ABI2: variants seen among roughly 807,000 people sequenced by gnomAD.
The protein encoded by ABI2 is abl interactor 2, also known as abelson interactor 2.
ABI2 carries 25 observed loss-of-function variants against 59.2 expected under a neutral mutation model. That is an observed-to-expected ratio of 0.42 (90% CI 0.31 to 0.59). The LOEUF (loss-of-function observed/expected upper bound fraction) is 0.59, where lower values mean the gene tolerates loss of function less well. ABI2 is among the 20% of genes least tolerant of loss of function. The pLI is 0.14. For missense variants in ABI2, 545 were observed against 681.8 expected (o/e 0.80, Z 2.23); for synonymous variants, 213 against 235.5 (o/e 0.90, Z 0.87).
At chr2:203,373,603 A>G (rs185999290) in intron 2 of ABI2, among the ~76,000 whole-genome samples, 135 of 152,296 alleles carry the variant, frequency 8.9e-4, no homozygotes, top group African/African-American at 3.2e-3. Context: ...TCCATGTTCA[A>G]GTTTGTCATG....
chr2:203,378,245 T>G (rs2095845707), intron 2 of ABI2, among the ~76,000 whole-genome samples: 1 of 152,064 alleles, frequency 6.6e-6, no homozygotes, highest in Non-Finnish European at 1.5e-5. Context: ...CCCAAGTAGC[T>G]GGGACTACAG....
chr2:203,395,589 T>G (rs1383333096), intron 6 of ABI2, 67 bp from the exon 7 acceptor site: 1 of 1,502,976 alleles, frequency 6.7e-7, no homozygotes, highest in East Asian at 2.4e-5. Context: ...TCAGAAAATG[T>G]CGGGAAGTGC....
chr2:203,380,313 G>A lies in ABI2; in HGVS notation c.391G>A (p.Glu131Lys). ...TAAGATTATTGCTCCAGCCAACCTT[G>A]AACGACCAGTTCGTTATATTAGAAA... ...THKIIAPANL[E>K]RPVRYIRKPI... The change falls in exon 3 of 12, where the codon GAA becomes AAA. Residue 131 changes from glutamate to lysine, a missense_variant. Glu to Lys is a moderately conservative substitution (Grantham distance 56). This residue lies in a region of ABI2 where 410 missense variants were observed against 435.6 expected (regional missense o/e 0.94). Transcript: ENST00000261018. 6.2e-7 allele frequency: 1 copy of A among 1,607,768 alleles called. No homozygotes were observed. The highest frequency in any genetic ancestry group is 8.5e-7 in the Non-Finnish European group (1 of 1,177,490).
intron 4 of ABI2, among the ~76,000 whole-genome samples, chr2:203,385,167 G>A (rs372984917): frequency 1.9e-5 from 1 of 51,810 alleles, no homozygotes; most frequent in Admixed American, 2.4e-4. Flanking sequence ...CAGTCTTGCC[G>A]TTGCCCAGGC....
intron 2 of ABI2, among the ~76,000 whole-genome samples, chr2:203,374,168 A>C (rs145412373): frequency 9.2e-5 from 14 of 152,034 alleles, no homozygotes; most frequent in South Asian, 2.1e-4. Context: ...CAACAACCCA[A>C]AACACAAAAA....
intron 4 of ABI2, 23 bp downstream of exon 4, chr2:203,382,229 T>C (rs1453780616): frequency 2.0e-6 from 3 of 1,525,138 alleles, no homozygotes; most frequent in South Asian, 2.4e-5. Flanking sequence ...AGGGCTGGAT[T>C]TCCATTCTTT....
At chr2:203,340,225 C>T (rs2152490419) in intron 1 of ABI2, among the ~76,000 whole-genome samples, 1 of 152,204 alleles carries the variant, frequency 6.6e-6, no homozygotes, top group East Asian at 1.9e-4. Flanking sequence ...CGGCCAAGGG[C>T]CGTTGGGAGG....
At chr2:203,357,987 C>T (rs971351741) in intron 1 of ABI2, among the ~76,000 whole-genome samples, 1 of 151,704 alleles carries the variant, frequency 6.6e-6, no homozygotes, top group Non-Finnish European at 1.5e-5. Context: ...CAGGCTGTCT[C>T]GAACTCCTGA....
chr2:203,347,696 C>A (rs1033640217), intron 1 of ABI2, among the ~76,000 whole-genome samples: 9 of 152,170 alleles, frequency 5.9e-5, no homozygotes, highest in Non-Finnish European at 8.8e-5. Context: ...TCTGCACAGG[C>A]AAACTGTGTA....
intron 1 of ABI2, among the ~76,000 whole-genome samples, chr2:203,345,323 G>A (rs1400696328): frequency 6.6e-6 from 1 of 152,168 alleles, no homozygotes; most frequent in African/African-American, 2.4e-5. Context: ...CCCACTGGAA[G>A]GAAGAAACTC....
At position 203,382,095 on chromosome 2, in the gene ABI2, CTTTTTTT is replaced by C. The variant is rs543676293; in HGVS notation, c.463-93_463-87del. ...ATGCTGAATGCTTAACTTGTTTTTT[CTTTTTTT>C]CCTTTCTCTTCACATCCTGAAGTTT... On this transcript the variant is annotated intron_variant, in intron 3 of 11. Coordinates refer to ENST00000261018, the MANE Select transcript of ABI2 (RefSeq NM_001375670.1). 1,309 of 1,100,342 alleles carry C rather than the reference CTTTTTTT, an allele frequency of 1.2e-3. 5 individuals are homozygous for C. The highest frequency in any genetic ancestry group is 1.4e-3 in the Admixed American group (50 of 34,642). 68.2% of individuals were successfully genotyped at this position (1,100,342 alleles called of 1,614,324 possible). A position where few individuals can be genotyped will look rare whatever the true frequency, so the allele number is the denominator to read the frequency against.
chr2:203,356,222 C>T (rs934543353), intron 1 of ABI2, among the ~76,000 whole-genome samples: 2 of 152,098 alleles, frequency 1.3e-5, no homozygotes, highest in Admixed American at 6.6e-5. Context: ...AGGTCTTGCT[C>T]TGTCACCCAG....
intron 1 of ABI2, among the ~76,000 whole-genome samples, chr2:203,344,361 A>AT (rs199558891): frequency 0.017 from 2,589 of 151,382 alleles, 76 homozygotes; most frequent in East Asian, 0.092. Context: ...TAATTTTTAA[A>AT]TTTTTTTTTC....
chr2:203,372,725 C>T (rs1475212759), intron 2 of ABI2, among the ~76,000 whole-genome samples: 23 of 151,282 alleles, frequency 1.5e-4, no homozygotes, highest in South Asian at 8.4e-4. Context: ...GGGCGGCTGC[C>T]GGGCGGAGGG....
chr2:203,340,152 T>C (rs1011502398), intron 1 of ABI2, among the ~76,000 whole-genome samples: 1 of 152,186 alleles, frequency 6.6e-6, no homozygotes, highest in Non-Finnish European at 1.5e-5. Context: ...ATTTCACTTA[T>C]ATGAGGAATC....
intron 1 of ABI2, among the ~76,000 whole-genome samples, chr2:203,352,834 A>G (rs1368825855): frequency 6.6e-6 from 1 of 152,174 alleles, no homozygotes; most frequent in Non-Finnish European, 1.5e-5. Flanking sequence ...CGTTGATGGT[A>G]AGTGCCCTAT....
At chr2:203,376,102 T>A in intron 2 of ABI2, 7 of 1,534,554 alleles carry the variant, frequency 4.6e-6, no homozygotes, top group Non-Finnish European at 6.1e-6. Flanking sequence ...TGACCAAATT[T>A]GGAAACAATT....
At chr2:203,396,295 G>A (rs1448907892) in intron 7 of ABI2, among the ~76,000 whole-genome samples, 1 of 152,082 alleles carries the variant, frequency 6.6e-6, no homozygotes, top group Non-Finnish European at 1.5e-5. Context: ...TACATTAATA[G>A]AATGTTACAT....
chr2:203,346,647 G>C (rs2083791271), intron 1 of ABI2, among the ~76,000 whole-genome samples: 1 of 152,148 alleles, frequency 6.6e-6, no homozygotes, highest in Non-Finnish European at 1.5e-5. Flanking sequence ...AACTTGTGCT[G>C]TTCTCTTTCT....
Sources: gnomAD v4.1 joint callset for allele counts (sites outside exome capture counted in the v4.1 genomes callset) on GRCh38, gnomAD v4.1.1 for gene constraint, gnomAD v4.1.1 regional missense constraint, MANE v1.5 for transcripts, NCBI Gene and HGNC (gene_info 2026-07-23, HGNC 2026-07-21) for gene names.